DYNAP: variants seen among roughly 807,000 people sequenced by gnomAD.
DYNAP encodes the protein dynactin-associated protein.
DYNAP carries 7 observed loss-of-function variants against 8.5 expected under a neutral mutation model. That is an observed-to-expected ratio of 0.82 (90% CI 0.47 to 1.54). DYNAP has a LOEUF of 1.54. Ranked by LOEUF, DYNAP falls within the 40% of genes most tolerant of loss-of-function variation. The probability of loss-of-function intolerance (pLI) is 0.01; values close to 1 mark genes in which losing one functional copy is unlikely to be tolerated. For synonymous variants in DYNAP, 77 were observed against 77.9 expected, an observed-to-expected ratio of 0.99 and a Z score of 0.06; for missense variants, 256 against 224.3, an observed-to-expected ratio of 1.14 and a Z score of -0.90.
intron 1 of DYNAP, among the ~76,000 whole-genome samples, chr18:54,592,276 G>A (rs1166842318): frequency 6.0e-5 from 9 of 150,368 alleles, no homozygotes; most frequent in Admixed American, 2.7e-4. Context: ...TACTCAGATG[G>A]AAAAAAAAAT....
intron 1 of DYNAP, 92 bp from the exon 2 acceptor site, chr18:54,594,847 C>T (rs1911218404): frequency 7.3e-7 from 1 of 1,367,656 alleles, no homozygotes; most frequent in South Asian, 1.5e-5. Flanking sequence ...AAAAGTCATA[C>T]TCTTAGGTAC....
At chr18:54,594,635 T>C (rs962039222) in intron 1 of DYNAP, among the ~76,000 whole-genome samples, 4 of 152,114 alleles carry the variant, frequency 2.6e-5, no homozygotes, top group Non-Finnish European at 5.9e-5. Context: ...CTCTTCCTTA[T>C]AGAGGCTTCT....
the DYNAP span, among the ~76,000 whole-genome samples, chr18:54,575,860 A>C: frequency 6.6e-6 from 1 of 152,128 alleles, no homozygotes; most frequent in Non-Finnish European, 1.5e-5. Context: ...ACATCAAGAT[A>C]TAGAATATTT....
At chr18:54,577,410 G>A in the DYNAP span, among the ~76,000 whole-genome samples, 1 of 151,804 alleles carries the variant, frequency 6.6e-6, no homozygotes, top group East Asian at 1.9e-4. Context: ...AACATAGTGA[G>A]ACACTGTCTC....
At chr18:54,591,175 G>C, upstream of DYNAP, 5 of 1,601,104 alleles carry the variant, frequency 3.1e-6, no homozygotes, top group Non-Finnish European at 4.3e-6. Context: ...ATGCATCATA[G>C]TTGACTTCCA....
chr18:54,595,732 G>C (rs1478832706), intron 2 of DYNAP, among the ~76,000 whole-genome samples: 1 of 152,078 alleles, frequency 6.6e-6, no homozygotes, highest in Non-Finnish European at 1.5e-5. Flanking sequence ...GTATCTTTAA[G>C]TCTTCAGCCC....
intron 2 of DYNAP, 128 bp from the exon 3 acceptor site, chr18:54,597,685 G>T: frequency 1.0e-6 from 1 of 952,934 alleles, no homozygotes; most frequent in Non-Finnish European, 1.5e-6. Context: ...TGGACTTCAA[G>T]CCCATCTTTC....
upstream of DYNAP, among the ~76,000 whole-genome samples, chr18:54,582,936 C>T (rs939329992): frequency 6.6e-6 from 1 of 152,034 alleles, no homozygotes; most frequent in African/African-American, 2.4e-5. Context: ...CAAAAATTTC[C>T]AATTCACAAA....
chr18:54,591,474 C>A, intron 1 of DYNAP, 135 bp downstream of exon 1: 7 of 1,003,884 alleles, frequency 7.0e-6, no homozygotes, highest in Non-Finnish European at 9.7e-6. Flanking sequence ...TAAAGAGCAA[C>A]CCTGTATCAA....
chr18:54,598,009 C>T lies in DYNAP; in HGVS notation c.419C>T (p.Ser140Phe), dbSNP rs1262851730. Reference sequence around the variant, plus strand: ...GTGACTGTCAAACCTGGAACACCCTCTCCTGCTTGTCCACCTACAATGACC... The same window carrying T: ...GTGACTGTCAAACCTGGAACACCCTTTCCTGCTTGTCCACCTACAATGACC... Reference protein sequence around the residue: ...ECVTVKPGTPSPACPPTMTTT... With the variant: ...ECVTVKPGTPFPACPPTMTTT... Residue 140 changes from serine to phenylalanine, a missense_variant, in exon 3 of 3, where the codon TCT becomes TTT. By Grantham distance (155) the Ser-to-Phe change is radical (BLOSUM62 -2). Transcript: ENST00000648945. The T allele has an allele frequency of 6.2e-7, 1 of 1,613,568 alleles. No homozygotes were observed. The highest frequency in any genetic ancestry group is 8.5e-7 in the Non-Finnish European group (1 of 1,179,800).
At chr18:54,594,089 C>T (rs759042472) in intron 1 of DYNAP, among the ~76,000 whole-genome samples, 13 of 152,080 alleles carry the variant, frequency 8.5e-5, no homozygotes, top group Non-Finnish European at 1.6e-4. Flanking sequence ...GTTTTCAATC[C>T]TTATTTACCT....
At chr18:54,587,960 T>A, upstream of DYNAP, 1 of 398,396 alleles carries the variant, frequency 2.5e-6, no homozygotes, top group South Asian at 1.3e-4. Flanking sequence ...TTATCATTTA[T>A]ATTTATCATT....
chr18:54,581,818 A>G, the DYNAP span, among the ~76,000 whole-genome samples: 7 of 152,320 alleles, frequency 4.6e-5, no homozygotes, highest in South Asian at 4.1e-4. Flanking sequence ...ATATTTCAGT[A>G]TCTATTAAGC....
the DYNAP span, among the ~76,000 whole-genome samples, chr18:54,582,703 C>T: frequency 6.6e-6 from 1 of 152,200 alleles, no homozygotes; most frequent in African/African-American, 2.4e-5. Flanking sequence ...TCTTAGAATT[C>T]CATCTGTACT....
At chr18:54,583,902 A>G (rs1357262959), upstream of DYNAP, among the ~76,000 whole-genome samples, 2 of 151,954 alleles carry the variant, frequency 1.3e-5, no homozygotes, top group African/African-American at 4.8e-5. Context: ...AATACCTTCC[A>G]GTATTTACAT....
In DYNAP at chr18:54,591,257, A is replaced by G; in HGVS notation, c.-26A>G. 6.2e-7 allele frequency: 1 copy of G among 1,612,754 alleles called. No individual in the cohort carries two copies. The highest frequency in any genetic ancestry group is 8.5e-7 in the Non-Finnish European group (1 of 1,179,172). ...CAAATTGAAAAATATTCTTGGAGAG[A>G]AGCTTGTGATACTGGCAGCTCAAGA... is the stretch of plus-strand genomic sequence containing the variant. On this transcript the variant is annotated 5_prime_UTR_variant, in exon 1 of 3. Coordinates refer to ENST00000648945, the MANE Select transcript of DYNAP (RefSeq NM_173629.3).
chr18:54,598,980 A>C lies in DYNAP; in HGVS notation c.*835A>C, dbSNP rs765932488. On this transcript the variant is annotated 3_prime_UTR_variant, in exon 3 of 3. Coordinates refer to ENST00000648945, the MANE Select transcript of DYNAP (RefSeq NM_173629.3). ...TGGATCTCAGGTCTTCAGATAAACT[A>C]AACCAATTGTCAACCAGAACATGTT... 1 of 152,140 alleles carries C rather than the reference A, an allele frequency of 6.6e-6. No individual in the cohort carries two copies. The highest frequency in any genetic ancestry group is 2.4e-5 in the African/African-American group (1 of 41,446). The allele number at this position is 152,140 out of a possible 1,614,324, so 9.4% of individuals were successfully genotyped here.
Position 54,597,839 on chromosome 18 carries a change from G to A in DYNAP, c.249G>A (p.Trp83Ter). ...TQVKEYCRND[W>*]SMWKVFLACL... ...TAAAAGAATATTGCCGCAATGACTG[G>A]TCTATGTGGAAAGTCTTCCTGGCTT... Residue 83 changes from tryptophan (W) to a stop codon, truncating the protein, a stop_gained, in exon 3 of 3, where the codon TGG (tryptophan) becomes TGA (stop). Coordinates refer to ENST00000648945, the MANE Select transcript of DYNAP (RefSeq NM_173629.3). LOFTEE classifies it low-confidence loss of function (END_TRUNC). 6.2e-7 allele frequency: 1 copy of A among 1,611,764 alleles called. No individual in the cohort carries two copies. Among genetic ancestry groups the A allele is most frequent in the Non-Finnish European group, 8.5e-7 (1 of 1,178,288 alleles).
At position 54,598,419 on chromosome 18, in the gene DYNAP, C is replaced by A. The variant is rs1198453651; in HGVS notation, c.*274C>A. On this transcript the variant is annotated 3_prime_UTR_variant, in exon 3 of 3. Transcript: ENST00000648945. ...GAATCTGCAACCACTTCCACTTAAC[C>A]TATAACTACTGTAACTTCTACTTAG... 2.6e-6 allele frequency: 1 copy of A among 388,788 alleles called. No individual in the cohort carries two copies. The highest frequency in any genetic ancestry group is 4.7e-6 in the Non-Finnish European group (1 of 213,002). The allele number at this position is 388,788 out of a possible 1,614,324, so 24.1% of individuals were successfully genotyped here. A position where few individuals can be genotyped will look rare whatever the true frequency, so the allele number is the denominator to read the frequency against.
Sources: allele counts gnomAD v4.1 joint callset (sites outside exome capture counted in the v4.1 genomes callset), GRCh38; gene constraint gnomAD v4.1.1; transcripts MANE v1.5; gene names NCBI Gene and HGNC (gene_info 2026-07-23, HGNC 2026-07-21).